FER1L5: variants seen among roughly 807,000 people sequenced by gnomAD.
FER1L5 encodes fer-1 like family member 5.
In FER1L5, 187 loss-of-function variants were observed where a neutral mutation model predicts 279.9. The ratio of observed to expected loss-of-function variants is 0.67; its 90% confidence interval spans 0.59 to 0.75. FER1L5 has a LOEUF of 0.75. Among genes scored for constraint, FER1L5 ranks in the 30% least tolerant of loss-of-function variants. FER1L5 has a pLI of 0.00. For synonymous variants in FER1L5, 921 were observed against 989.7 expected (o/e 0.93, Z 1.30); for missense variants, 2,091 against 2,594.4 (o/e 0.81, Z 4.21).
intron 1 of FER1L5, among the ~76,000 whole-genome samples, chr2:96,645,996 CTTTTTT>C (rs34639745): frequency 1.4e-5 from 1 of 72,686 alleles, no homozygotes; most frequent in African/African-American, 4.9e-5. Context: ...TTGAAGTTTT[CTTTTTT>C]TTTTTTTTTT....
At position 96,651,906 on chromosome 2, in the gene FER1L5, G is replaced by A. The variant is rs1416991650; in HGVS notation, c.519G>A (p.Val173=). 7 of 1,552,124 alleles carry A rather than the reference G, an allele frequency of 4.5e-6. No individual in the cohort carries two copies. The highest frequency in any genetic ancestry group is 6.1e-6 in the Non-Finnish European group (7 of 1,147,078). Reference sequence around the variant, plus strand: ...TCCGCCCTTAGGTTCGAGTGAAGGTGTTTGAAGCCCGACAGCTCATGGGCA... The same window carrying A: ...TCCGCCCTTAGGTTCGAGTGAAGGTATTTGAAGCCCGACAGCTCATGGGCA... ...KPQHFQVRVK[V]FEARQLMGNN... The change falls in exon 7 of 53, where the codon GTG becomes GTA. Residue 173 remains valine (V), a synonymous_variant. Transcript: ENST00000624922.
chr2:96,702,108 C>T lies in FER1L5; in HGVS notation c.5159+65C>T. The T allele has an allele frequency of 6.3e-7, 1 of 1,587,222 alleles. No homozygotes were observed. The highest frequency in any genetic ancestry group is 8.6e-7 in the Non-Finnish European group (1 of 1,158,816). On this transcript the variant is annotated intron_variant, in intron 46 of 52. Transcript: ENST00000624922. This position sits in a 1 kb window ranked among gnomAD's most constrained non-coding sequence, Gnocchi z 4.0. The stretch of plus-strand genomic sequence containing the variant: ...TTCAGAACTCCCCCAGTGCAGGGCA[C>T]CACTGTCCTCAGGTACTGAGCTGCA...
In FER1L5 at chr2:96,670,315, C is replaced by T. The variant is rs2076277317; in HGVS notation, c.1491+68C>T. 5.9e-6 allele frequency: 9 copies of T among 1,536,486 alleles called. No homozygotes were observed. In the Middle Eastern group the frequency reaches 5.3e-4, roughly 90 times the overall value. On this transcript the variant is annotated intron_variant, in intron 18 of 52. Coordinates refer to ENST00000624922, the MANE Select transcript of FER1L5 (RefSeq NM_001293083.2). ...TGTCTGCCCCGGATCTACTGTGGAT[C>T]CCAGTTTCTGACCGTGTAGAGAGGC...
At chr2:96,662,145 T>C (rs1237681217) in intron 12 of FER1L5, 70 bp from the exon 13 acceptor site, 2 of 1,472,606 alleles carry the variant, frequency 1.4e-6, no homozygotes, top group African/African-American at 2.8e-5. Context: ...TCAGTTGTTC[T>C]GTCGCCACCC....
intron 19 of FER1L5, among the ~76,000 whole-genome samples, chr2:96,682,542 T>C (rs2076768528): frequency 1.3e-5 from 2 of 152,106 alleles, no homozygotes; most frequent in Non-Finnish European, 2.9e-5. Context: ...GTTAGGACTA[T>C]GTACACTGGT....
At position 96,702,458 on chromosome 2, in the gene FER1L5, C is replaced by T; in HGVS notation, c.5255+57C>T. ...CCCTCAGTTCCCCAGTTCTGTCATC[C>T]TGCTGGCACGGCCCAGTCCTGAATG... On this transcript the variant is annotated intron_variant, in intron 47 of 52. Transcript: ENST00000624922. This position sits in a 1 kb window ranked among gnomAD's most constrained non-coding sequence, Gnocchi z 4.0. 1 of 1,568,392 alleles carries T rather than the reference C, an allele frequency of 6.4e-7. No individual in the cohort carries two copies. Among genetic ancestry groups the T allele is most frequent in the Non-Finnish European group, 8.6e-7 (1 of 1,157,336 alleles).
chr2:96,694,118 C>T lies in FER1L5; in HGVS notation c.3636+46C>T, dbSNP rs2077266434. ...GCTGGGAAGTGTGGCACTCAGTGCC[C>T]CTCCCCGTCCCACCCCCAGCCAGCG... is the stretch of plus-strand genomic sequence containing the variant. On this transcript the variant is annotated intron_variant, in intron 33 of 52. Coordinates refer to ENST00000624922, the MANE Select transcript of FER1L5 (RefSeq NM_001293083.2). The surrounding 1 kb of genome is among the most constrained non-coding windows in gnomAD (Gnocchi z 4.6). The T allele has an allele frequency of 6.7e-7, 1 of 1,502,532 alleles. No individual in the cohort carries two copies. The highest frequency in any genetic ancestry group is 8.9e-7 in the Non-Finnish European group (1 of 1,128,112). 93.1% of individuals were successfully genotyped at this position (1,502,532 alleles called of 1,614,324 possible).
At chr2:96,700,742 C>T (rs1184030809) in intron 45 of FER1L5, among the ~76,000 whole-genome samples, 2 of 152,184 alleles carry the variant, frequency 1.3e-5, no homozygotes, top group Non-Finnish European at 1.5e-5. Flanking sequence ...GGGAGCCCTA[C>T]CAGTCAATGT....
rs1409165315 is a variant in FER1L5, at chr2:96,694,442, C to T, written c.3719C>T (p.Thr1240Met). The change falls in exon 34 of 53, where the codon ACG becomes ATG. Residue 1240 changes from threonine (T) to methionine (M), a missense_variant. By Grantham distance (81) the Thr-to-Met change is moderately conservative (BLOSUM62 -1). Transcript: ENST00000624922. The surrounding 1 kb of genome is among the most constrained non-coding windows in gnomAD (Gnocchi z 4.6). ...ACACTCCCCAAGAGCATCCAGCCCA[C>T]GATAAAGAGGATGGCCATTGAGGTG... is the stretch of plus-strand genomic sequence containing the variant. ...AYTLPKSIQP[T>M]IKRMAIEILA... The T allele has an allele frequency of 1.4e-5, 21 of 1,547,236 alleles. No homozygotes were observed. The highest frequency in any genetic ancestry group is 9.8e-5 in the East Asian group (4 of 40,754).
Position 96,663,377 on chromosome 2 carries a change from G to C in FER1L5, c.1072-62G>C. 3 of 1,462,820 alleles carry C rather than the reference G, an allele frequency of 2.1e-6. No homozygotes were observed. In the Admixed American group the frequency reaches 5.9e-5, roughly 29 times the overall value. 90.6% of individuals were successfully genotyped at this position (1,462,820 alleles called of 1,614,324 possible). ...GGAGGCTGGACAGGAAGAGCTGGAA[G>C]GTGAGGTCAGTGGAGGGAGGAGGGG... is the stretch of plus-strand genomic sequence containing the variant. On this transcript the variant is annotated intron_variant, in intron 13 of 52. Transcript: ENST00000624922.
At chr2:96,677,138 G>A (rs2076540524) in intron 19 of FER1L5, among the ~76,000 whole-genome samples, 1 of 152,208 alleles carries the variant, frequency 6.6e-6, no homozygotes, top group African/African-American at 2.4e-5. Flanking sequence ...CACGATGCCC[G>A]TCCTATCTTT....
chr2:96,691,279 C>T lies in FER1L5; in HGVS notation c.2833C>T (p.Arg945Cys), dbSNP rs1178659172. 6.4e-6 allele frequency: 10 copies of T among 1,550,534 alleles called. No homozygotes were observed. The South Asian group carries it at 9.5e-5, about 15-fold the overall frequency. ...GACCTACCACTCGTGCCGCCGCCGG[C>T]GCTGGGCGCGTGTGCGCTTCAGGAA... ...EKTYHSCRRR[R>C]WARVRFRNHG... The change falls in exon 28 of 53, where the codon CGC becomes TGC. Residue 945 changes from arginine to cysteine, a missense_variant. By Grantham distance (180) the Arg-to-Cys change is radical. Coordinates refer to ENST00000624922, the MANE Select transcript of FER1L5 (RefSeq NM_001293083.2). The surrounding 1 kb of genome is among the most constrained non-coding windows in gnomAD (Gnocchi z 6.0).
chr2:96,696,135 G>C (rs1003947411), intron 37 of FER1L5, 58 bp downstream of exon 37: 3 of 1,605,690 alleles, frequency 1.9e-6, no homozygotes, highest in Non-Finnish European at 2.5e-6. Context: ...ATAACCCTTG[G>C]GCCTAAGGAG....
rs1265046451 is a variant in FER1L5, at chr2:96,702,695, C to T, written c.5351C>T (p.Thr1784Ile). The T allele has an allele frequency of 6.2e-7, 1 of 1,612,916 alleles. No homozygotes were observed. The highest frequency in any genetic ancestry group is 8.5e-7 in the Non-Finnish European group (1 of 1,179,558). ...EADFNWRFIF[T>I]MDYLAAERTC... Reference sequence around the variant, plus strand: ...GACTTCAACTGGCGGTTCATCTTTACCATGGACTACCTGGCGGCGGAGCGC... The same window carrying T: ...GACTTCAACTGGCGGTTCATCTTTATCATGGACTACCTGGCGGCGGAGCGC... Residue 1784 changes from threonine (T) to isoleucine (I), a missense_variant, in exon 48 of 53, where the codon ACC (threonine) becomes ATC (isoleucine). Transcript: ENST00000624922. This position sits in a 1 kb window ranked among gnomAD's most constrained non-coding sequence, Gnocchi z 4.0.
intron 45 of FER1L5, among the ~76,000 whole-genome samples, chr2:96,701,265 A>AT (rs1220979450): frequency 5.3e-5 from 8 of 152,234 alleles, no homozygotes; most frequent in African/African-American, 1.4e-4. Flanking sequence ...AGCTGAGATC[A>AT]TGCCACTGCA....
In FER1L5 at chr2:96,692,029, G is replaced by GA. The variant is rs1245208915; in HGVS notation, c.3214+66_3214+67insA. On this transcript the variant is annotated intron_variant, in intron 30 of 52. Transcript: ENST00000624922. ...GCCAGTACCCGAGGGCGGGGGGGGG[G>GA]GACAGGGTGGGGGCAGTCAGAGGGA... 1.4e-3 allele frequency: 1,351 copies of GA among 975,684 alleles called. 10 individuals carry two copies. In the African/African-American group the frequency reaches 0.019, roughly 14 times the overall value. 60.4% of individuals were successfully genotyped at this position (975,684 alleles called of 1,614,324 possible).
At position 96,702,510 on chromosome 2, in the gene FER1L5, G is replaced by A. The variant is rs1334318283; in HGVS notation, c.5256-90G>A. 1.3e-6 allele frequency: 2 copies of A among 1,548,048 alleles called. 1 individual carries two copies. Among genetic ancestry groups the A allele is most frequent in the Non-Finnish European group, 1.7e-6 (2 of 1,145,072 alleles). On this transcript the variant is annotated intron_variant, in intron 47 of 52. Transcript: ENST00000624922. The surrounding 1 kb of genome is among the most constrained non-coding windows in gnomAD (Gnocchi z 4.0). ...GACACCTCTCCATCCAGCTCTGCCT[G>A]GCGTCGGCTGGGCAGCCCTTCCCAT...
chr2:96,695,801 G>A lies in FER1L5; in HGVS notation c.3954G>A (p.Trp1318Ter), dbSNP rs2077353683. The change falls in exon 36 of 53, where the codon TGG becomes TGA. Residue 1318 changes from tryptophan to a stop codon, truncating the protein, a stop_gained. Coordinates refer to ENST00000624922, the MANE Select transcript of FER1L5 (RefSeq NM_001293083.2). LOFTEE classifies it high-confidence loss of function. ...LPLVVKVVDN[W>*]AFGQQTVTGQ... ...TCGTGGTGAAGGTGGTAGACAACTG[G>A]GCCTTCGGCCAGCAGACCGTGACGG... 6.2e-7 allele frequency: 1 copy of A among 1,612,936 alleles called. No homozygotes were observed. The highest frequency in any genetic ancestry group is 1.1e-5 in the South Asian group (1 of 90,788).
chr2:96,688,860 C>T (rs1032260563), intron 24 of FER1L5: 12 of 229,838 alleles, frequency 5.2e-5, no homozygotes, highest in South Asian at 1.2e-4. Context: ...CCATTGCTGC[C>T]TCTGGGCCTT....
Sources: allele counts gnomAD v4.1 joint callset (sites outside exome capture counted in the v4.1 genomes callset), GRCh38; gene constraint gnomAD v4.1.1; non-coding constraint Gnocchi (gnomAD v3.1); transcripts MANE v1.5; gene names NCBI Gene and HGNC (gene_info 2026-07-23, HGNC 2026-07-21).